Variants in ERC1 observed in about 807,000 individuals in gnomAD.
The protein encoded by ERC1 is RAB6 interacting protein 2.
ERC1 carries 56 observed loss-of-function variants against 132.0 expected under a neutral mutation model. The ratio of observed to expected loss-of-function variants is 0.42; its 90% confidence interval spans 0.34 to 0.53. The LOEUF (loss-of-function observed/expected upper bound fraction) is 0.53, where lower values mean the gene tolerates loss of function less well. Among genes scored for constraint, ERC1 ranks in the 20% least tolerant of loss-of-function variants. The pLI is 0.03. For missense variants in ERC1, 1,202 were observed against 1,349.9 expected (o/e 0.89, Z 1.72); for synonymous variants, 478 against 476.1 (o/e 1.00, Z -0.05).
intron 1 of ERC1, among the ~76,000 whole-genome samples, chr12:1,025,317 G>A (rs919154494): frequency 6.6e-5 from 10 of 151,836 alleles, no homozygotes; most frequent in African/African-American, 2.4e-4. Flanking sequence ...TCTAATTATC[G>A]CTGTTTCAAA....
At chr12:1,480,994 C>G (rs2154431421) in intron 18 of ERC1, 1 of 674,986 alleles carries the variant, frequency 1.5e-6, no homozygotes, top group East Asian at 2.7e-5. Context: ...GGTACTGAAG[C>G]CTATAGATGC....
In ERC1 at chr12:1,400,916, A is replaced by ATTTTTTTTTTTTTTTTTTT. The variant is rs869202443; in HGVS notation, c.2926-7214_2926-7196dup. Among the ~76,000 whole-genome samples, 3 of 15,058 alleles carry ATTTTTTTTTTTTTTTTTTT rather than the reference A, an allele frequency of 2.0e-4. 1 individual carries two copies. The highest frequency in any genetic ancestry group is 2.2e-4 in the Non-Finnish European group (2 of 9,122). 9.9% of individuals were successfully genotyped at this position (15,058 alleles called of 152,430 possible). A position where few individuals can be genotyped will look rare whatever the true frequency, so the allele number is the denominator to read the frequency against. On this transcript the variant is annotated intron_variant, in intron 16 of 18. Transcript: ENST00000360905. Reference sequence around the variant, plus strand: ...TCAATATTGTTTTGGCTATTTTTGTATTTTTTTTTTTTTTTTTTTTTTTTT... The same window carrying ATTTTTTTTTTTTTTTTTTT: ...TCAATATTGTTTTGGCTATTTTTGTATTTTTTTTTTTTTTTTTTTTTTTTTTTTTTTTTTTTTTTTTTTT...
At chr12:1,000,005 A>G (rs1007097134) in intron 1 of ERC1, among the ~76,000 whole-genome samples, 1 of 152,126 alleles carries the variant, frequency 6.6e-6, no homozygotes, top group Non-Finnish European at 1.5e-5. Flanking sequence ...AAAGGTGGCA[A>G]CTCTTGAACA....
intron 2 of ERC1, among the ~76,000 whole-genome samples, chr12:1,064,286 C>T (rs1938648422): frequency 6.6e-6 from 1 of 151,664 alleles, no homozygotes; most frequent in African/African-American, 2.4e-5. Context: ...TAGTCACAGG[C>T]ACAATCATGT....
Position 1,069,100 on chromosome 12 carries a change from C to A in ERC1, c.670-14064C>A, listed in dbSNP as rs1175201123. Among the ~76,000 whole-genome samples, 5 of 152,350 alleles carry A rather than the reference C, an allele frequency of 3.3e-5. No homozygotes were observed. In the East Asian group the frequency reaches 7.7e-4, roughly 23 times the overall value. On this transcript the variant is annotated intron_variant, in intron 2 of 18. Coordinates refer to ENST00000360905, the MANE Select transcript of ERC1 (RefSeq NM_178040.4). The stretch of plus-strand genomic sequence containing the variant: ...TCTGCTAAGACAGCTTTGTAATTCA[C>A]AGCTTTCTTTGAAAATGCTGTACCT...
intron 15 of ERC1, among the ~76,000 whole-genome samples, chr12:1,326,402 G>A (rs753611598): frequency 5.3e-5 from 8 of 152,116 alleles, no homozygotes; most frequent in East Asian, 1.9e-4. Flanking sequence ...CTACAGTGCC[G>A]AAGGCATTCA....
At chr12:1,291,784 C>T (rs1455225759) in intron 15 of ERC1, among the ~76,000 whole-genome samples, 2 of 152,118 alleles carry the variant, frequency 1.3e-5, no homozygotes. Context: ...TAAATGGTGA[C>T]CGTAAGTTTG....
In ERC1 at chr12:1,125,828, A is replaced by AT. The variant is rs763158165; in HGVS notation, c.1569+9795_1569+9796insT. ...GAGACTCCGTCTCAAAACAAAACAA[A>AT]CAAAAAAAACAAACAGTATTTTTTA... On this transcript the variant is annotated intron_variant, in intron 7 of 18. Coordinates refer to ENST00000360905, the MANE Select transcript of ERC1 (RefSeq NM_178040.4). 3.3e-5 allele frequency among the ~76,000 whole-genome samples: 5 copies of AT among 152,278 alleles called. No homozygotes were observed. In the South Asian group the frequency reaches 6.2e-4, roughly 19 times the overall value.
intron 15 of ERC1, among the ~76,000 whole-genome samples, chr12:1,297,422 C>A (rs889007442): frequency 6.6e-6 from 1 of 151,610 alleles, no homozygotes; most frequent in East Asian, 1.9e-4. Flanking sequence ...CAGACATGGG[C>A]CGGGCACTGT....
At chr12:1,076,434 G>A (rs1195855560) in intron 2 of ERC1, among the ~76,000 whole-genome samples, 15 of 139,476 alleles carry the variant, frequency 1.1e-4, no homozygotes, top group Admixed American at 6.3e-4. Flanking sequence ...TCACTCTGTC[G>A]CCCAGGCTGG....
At chr12:1,177,274 T>C (rs1395339075) in intron 8 of ERC1, among the ~76,000 whole-genome samples, 1 of 152,248 alleles carries the variant, frequency 6.6e-6, no homozygotes, top group African/African-American at 2.4e-5. Context: ...TTTCCTTCAG[T>C]AACTTGACTG....
At chr12:1,417,537 T>C (rs1467873609) in intron 17 of ERC1, among the ~76,000 whole-genome samples, 1 of 152,044 alleles carries the variant, frequency 6.6e-6, no homozygotes, top group East Asian at 1.9e-4. Context: ...CCCAGCACTT[T>C]GGGAGACCCA....
chr12:1,313,432 TTAAA>T (rs1390816493), intron 15 of ERC1, among the ~76,000 whole-genome samples: 2 of 152,092 alleles, frequency 1.3e-5, no homozygotes, highest in Non-Finnish European at 2.9e-5. Context: ...TGGATGGATA[TTAAA>T]CAGAGATTCA....
intron 15 of ERC1, among the ~76,000 whole-genome samples, chr12:1,345,956 G>A (rs1820580108): frequency 6.6e-6 from 1 of 152,164 alleles, no homozygotes; most frequent in South Asian, 2.1e-4. Context: ...TCTTAGGTGT[G>A]TTCTTCTAAT....
At position 1,190,068 on chromosome 12, in the gene ERC1, T is replaced by G. The variant is rs369530728; in HGVS notation, c.2351+16T>G. On this transcript the variant is annotated intron_variant, in intron 12 of 18. Coordinates refer to ENST00000360905, the MANE Select transcript of ERC1 (RefSeq NM_178040.4). ...AGTTGGAAAGGTAAGAAAGTGAAGC[T>G]GATTGGGGCTTATGAGGTTAAAGTA... 2.2e-5 allele frequency: 35 copies of G among 1,600,498 alleles called. No homozygotes were observed. The African/African-American group carries it at 2.9e-4, about 13-fold the overall frequency.
chr12:1,122,583 ATCTCTATCTCTATCTGTG>A (rs1425323579), intron 7 of ERC1, among the ~76,000 whole-genome samples: 2 of 7,160 alleles, frequency 2.8e-4, no homozygotes, highest in African/African-American at 4.8e-4. Flanking sequence ...CTCTATCTCT[ATCTCTATCTCTATCTGTG>A]TCTCTATCTC....
At chr12:1,348,207 G>C (rs1197866432) in intron 15 of ERC1, among the ~76,000 whole-genome samples, 2 of 152,086 alleles carry the variant, frequency 1.3e-5, no homozygotes, top group African/African-American at 2.4e-5. Context: ...TTCTTTCCTA[G>C]CAAAATACGG....
At chr12:1,361,324 G>A (rs2086094811) in intron 15 of ERC1, among the ~76,000 whole-genome samples, 1 of 150,340 alleles carries the variant, frequency 6.7e-6, no homozygotes, top group Admixed American at 6.6e-5. Flanking sequence ...TGAGTTAATG[G>A]GTGCAGCACA....
At chr12:1,032,725 C>T (rs1968280145) in intron 2 of ERC1, among the ~76,000 whole-genome samples, 3 of 152,192 alleles carry the variant, frequency 2.0e-5, no homozygotes, top group Admixed American at 2.0e-4. Flanking sequence ...CTTCAGTTGA[C>T]ATTTTTGAGT....
Sources: allele counts gnomAD v4.1 joint callset (sites outside exome capture counted in the v4.1 genomes callset), GRCh38; gene constraint gnomAD v4.1.1; transcripts MANE v1.5; gene names NCBI Gene and HGNC (gene_info 2026-07-23, HGNC 2026-07-21).